Variants in GRAMD1B observed in about 807,000 individuals in gnomAD.
GRAMD1B encodes the protein protein Aster-B.
In GRAMD1B, 37 loss-of-function variants were observed where a neutral mutation model predicts 99.7. The observed-to-expected ratio is 0.37, with a 90% CI of 0.29 to 0.49. The LOEUF is 0.49. Ranked by LOEUF, GRAMD1B falls within the 20% of genes least tolerant of loss-of-function variation. GRAMD1B has a pLI of 0.98. For synonymous variants in GRAMD1B, 427 were observed against 387.6 expected, an observed-to-expected ratio of 1.10 and a Z score of -1.19; for missense variants, 888 against 1,009.2, an observed-to-expected ratio of 0.88 and a Z score of 1.63.
At chr11:123,583,898 G>A (rs1949747994) in intron 3 of GRAMD1B, among the ~76,000 whole-genome samples, 2 of 152,148 alleles carry the variant, frequency 1.3e-5, no homozygotes, top group South Asian at 2.1e-4. Context: ...GTCCCACCCT[G>A]CCTTTTACAG....
At chr11:123,469,945 T>A (rs992704861) in intron 1 of GRAMD1B, among the ~76,000 whole-genome samples, 25 of 152,216 alleles carry the variant, frequency 1.6e-4, no homozygotes, top group African/African-American at 6.0e-4. Context: ...TAAATGACTT[T>A]ATATTGAAAT....
At chr11:123,493,953 G>A (rs1325458874) in intron 2 of GRAMD1B, among the ~76,000 whole-genome samples, 1 of 151,972 alleles carries the variant, frequency 6.6e-6, no homozygotes, top group Non-Finnish European at 1.5e-5. Context: ...GTCCCAGTAG[G>A]GTTTCTCTCC....
At chr11:123,461,634 C>T (rs981915338) in intron 1 of GRAMD1B, among the ~76,000 whole-genome samples, 4 of 152,186 alleles carry the variant, frequency 2.6e-5, no homozygotes, top group Non-Finnish European at 2.9e-5. Context: ...GACAGAGTTT[C>T]GTTCTTGTTG....
At chr11:123,372,607 T>C (rs1185573068) in intron 1 of GRAMD1B, among the ~76,000 whole-genome samples, 1 of 152,176 alleles carries the variant, frequency 6.6e-6, no homozygotes, top group Non-Finnish European at 1.5e-5. Flanking sequence ...TGGTTCTCCA[T>C]TGGCCTTACA....
chr11:123,523,885 G>A (rs1471796971), intron 2 of GRAMD1B, among the ~76,000 whole-genome samples: 4 of 152,236 alleles, frequency 2.6e-5, no homozygotes, highest in Non-Finnish European at 5.9e-5. Flanking sequence ...AATTTTGGAT[G>A]TGTTCAGAAG....
chr11:123,394,140 G>A (rs1308313953), intron 1 of GRAMD1B, among the ~76,000 whole-genome samples: 1 of 152,168 alleles, frequency 6.6e-6, no homozygotes, highest in African/African-American at 2.4e-5. Context: ...GATGCTATTA[G>A]CAATTACGCA....
rs560736921 is a variant in GRAMD1B, at chr11:123,404,852, G to T, written c.-176+46053G>T. On this transcript the variant is annotated intron_variant, in intron 1 of 20. Transcript: ENST00000638157. ...TTGCAGTGCTCATGAGAGGGGCTCA[G>T]CTGCCAACCTTAGAAATTCCGCCTG... is the stretch of plus-strand genomic sequence containing the variant. 2.3e-4 allele frequency among the ~76,000 whole-genome samples: 35 copies of T among 152,352 alleles called. 1 individual carries two copies. In the South Asian group the frequency reaches 6.2e-3, roughly 27 times the overall value.
chr11:123,414,590 C>T (rs1234839139), intron 1 of GRAMD1B, among the ~76,000 whole-genome samples: 1 of 152,110 alleles, frequency 6.6e-6, no homozygotes, highest in Admixed American at 6.6e-5. Flanking sequence ...CTATGTCATC[C>T]CTATCCCCCT....
chr11:123,510,657 A>G lies in GRAMD1B; in HGVS notation c.452+29764A>G, dbSNP rs1940902126. Among the ~76,000 whole-genome samples, 1 of 152,190 alleles carries G rather than the reference A, an allele frequency of 6.6e-6. No individual in the cohort carries two copies. The stretch of plus-strand genomic sequence containing the variant: ...GATGGTGCCGCTGCTCCTTAGGCCA[A>G]GCAGAGATCATGGAGCCGGCTGACA... On this transcript the variant is annotated intron_variant, in intron 2 of 19. Transcript: ENST00000635736. The surrounding 1 kb of genome is among the most constrained non-coding windows in gnomAD (Gnocchi z 4.3).
At chr11:123,526,025 A>G (rs1229060380) in intron 2 of GRAMD1B, 36 of 791,378 alleles carry the variant, frequency 4.5e-5, no homozygotes, top group Non-Finnish European at 7.2e-5. Context: ...TTCTGTGTTC[A>G]AGTCACATTA....
At chr11:123,470,806 C>T (rs993923456) in intron 1 of GRAMD1B, among the ~76,000 whole-genome samples, 9 of 152,168 alleles carry the variant, frequency 5.9e-5, no homozygotes, top group African/African-American at 2.2e-4. Flanking sequence ...AAGAAATTTG[C>T]TCTGAGTTGC....
At chr11:123,422,945 C>T (rs896409064) in intron 1 of GRAMD1B, among the ~76,000 whole-genome samples, 3 of 89,262 alleles carry the variant, frequency 3.4e-5, no homozygotes, top group Admixed American at 2.9e-4. Flanking sequence ...GCTCCTTCCT[C>T]CCTTCCCCCA....
At chr11:123,578,927 G>A (rs186939911) in intron 3 of GRAMD1B, among the ~76,000 whole-genome samples, 171 of 152,272 alleles carry the variant, frequency 1.1e-3, no homozygotes, top group African/African-American at 4.0e-3. Context: ...CAGCAGCCAC[G>A]CCCTCAGGAG....
At chr11:123,502,759 A>AGC (rs1939996143) in intron 2 of GRAMD1B, among the ~76,000 whole-genome samples, 1 of 140,074 alleles carries the variant, frequency 7.1e-6, no homozygotes, top group African/African-American at 2.7e-5. Flanking sequence ...TGGGTGGCAG[A>AGC]GCGAGACTCC....
intron 1 of GRAMD1B, among the ~76,000 whole-genome samples, chr11:123,417,443 T>C (rs1271763999): frequency 8.5e-5 from 13 of 152,150 alleles, no homozygotes. Context: ...GTAGTATAGG[T>C]GCATTCAGGA....
At chr11:123,569,280 G>C (rs891843493) in intron 2 of GRAMD1B, among the ~76,000 whole-genome samples, 2 of 152,148 alleles carry the variant, frequency 1.3e-5, no homozygotes, top group Non-Finnish European at 2.9e-5. Flanking sequence ...GTTATGACAA[G>C]GAGTGAAGCA....
Position 123,430,541 on chromosome 11 carries a change from C to T in GRAMD1B, c.-252C>T, listed in dbSNP as rs1473581749. 31 of 449,076 alleles carry T rather than the reference C, an allele frequency of 6.9e-5. No individual in the cohort carries two copies. Among genetic ancestry groups the T allele is most frequent in the Non-Finnish European group, 1.1e-4 (29 of 255,498 alleles). 27.8% of individuals were successfully genotyped at this position (449,076 alleles called of 1,614,324 possible). ...GAGTGGCTGGCAGGCGGCTCCCGCCCCTCCCGGGTGGCCTCGCCGGCGGCT... is the reference window on the plus strand; with the variant it reads ...GAGTGGCTGGCAGGCGGCTCCCGCCTCTCCCGGGTGGCCTCGCCGGCGGCT... On this transcript the variant is annotated 5_prime_UTR_variant, in exon 1 of 20. Coordinates refer to ENST00000635736, the MANE Select transcript of GRAMD1B (RefSeq NM_001387025.1).
intron 2 of GRAMD1B, among the ~76,000 whole-genome samples, chr11:123,515,712 G>A (rs915030357): frequency 2.0e-5 from 3 of 151,926 alleles, no homozygotes; most frequent in African/African-American, 7.2e-5. Context: ...CTATGTATAT[G>A]TATATTTAAA....
rs1308282487 is a variant in GRAMD1B, at chr11:123,591,481, T to C, written c.685-2601T>C. The C allele has an allele frequency of 5.0e-6, 2 of 398,868 alleles. No individual in the cohort carries two copies. The highest frequency in any genetic ancestry group is 4.1e-5 in the African/African-American group (2 of 48,618). The allele number at this position is 398,868 out of a possible 1,614,324, so 24.7% of individuals were successfully genotyped here. Reference sequence around the variant, plus strand: ...TGCTGCAGTGGTACCTGAAGCAGCTTGGCCATGCACCTGCTGCCGCTGAAC... The same window carrying C: ...TGCTGCAGTGGTACCTGAAGCAGCTCGGCCATGCACCTGCTGCCGCTGAAC... On this transcript the variant is annotated intron_variant, in intron 4 of 19. Coordinates refer to ENST00000635736, the MANE Select transcript of GRAMD1B (RefSeq NM_001387025.1). This position sits in a 1 kb window ranked among gnomAD's most constrained non-coding sequence, Gnocchi z 4.7.
Sources: allele counts gnomAD v4.1 joint callset (sites outside exome capture counted in the v4.1 genomes callset), GRCh38; gene constraint gnomAD v4.1.1; non-coding constraint Gnocchi (gnomAD v3.1); transcripts MANE v1.5; gene names NCBI Gene and HGNC (gene_info 2026-07-23, HGNC 2026-07-21).